Variants in CTNNA3 observed in about 807,000 individuals in gnomAD.
CTNNA3 encodes catenin alpha-3.
CTNNA3 carries 76 observed loss-of-function variants against 95.7 expected under a neutral mutation model. That is an observed-to-expected ratio of 0.79 (90% CI 0.66 to 0.96). The LOEUF (loss-of-function observed/expected upper bound fraction) is 0.96. CTNNA3 is among the 40% of genes least tolerant of loss of function. CTNNA3 has a pLI of 0.00. For missense variants in CTNNA3, 1,191 were observed against 1,089.8 expected (o/e 1.09, Z -1.31); for synonymous variants, 431 against 374.4 (o/e 1.15, Z -1.74).
chr10:66,607,472 C>CAAAAAAA (rs574854850), intron 10 of CTNNA3, among the ~76,000 whole-genome samples: 5 of 45,284 alleles, frequency 1.1e-4, no homozygotes, highest in Admixed American at 3.3e-4. Context: ...CAGAGACAAC[C>CAAAAAAA]AAAAAAAAAA....
intron 7 of CTNNA3, among the ~76,000 whole-genome samples, chr10:66,856,628 G>A (rs969954934): frequency 1.3e-5 from 2 of 152,026 alleles, no homozygotes; most frequent in Non-Finnish European, 2.9e-5. Context: ...GTAAGACATT[G>A]TGGTTTTGAT....
intron 7 of CTNNA3, among the ~76,000 whole-genome samples, chr10:67,174,169 T>C (rs1256587640): frequency 1.3e-5 from 2 of 152,188 alleles, no homozygotes; most frequent in African/African-American, 4.8e-5. Flanking sequence ...AGTTTCCCTT[T>C]TATTAAAAAA....
chr10:66,409,885 T>C (rs2093089310), intron 11 of CTNNA3, among the ~76,000 whole-genome samples: 1 of 152,124 alleles, frequency 6.6e-6, no homozygotes, highest in Non-Finnish European at 1.5e-5. Flanking sequence ...TCTTTTAGAG[T>C]GTTCTGATAC....
intron 7 of CTNNA3, among the ~76,000 whole-genome samples, chr10:67,113,234 G>T (rs937577982): frequency 2.6e-5 from 4 of 152,062 alleles, no homozygotes; most frequent in African/African-American, 4.8e-5. Flanking sequence ...TTCTTTAAAA[G>T]AATTTTTTTT....
At chr10:67,022,145 A>C (rs1419508885) in intron 7 of CTNNA3, among the ~76,000 whole-genome samples, 1 of 152,142 alleles carries the variant, frequency 6.6e-6, no homozygotes, top group Non-Finnish European at 1.5e-5. Context: ...AATATATATC[A>C]AATTTAAGGA....
intron 7 of CTNNA3, among the ~76,000 whole-genome samples, chr10:66,998,202 C>T (rs1851465557): frequency 6.6e-6 from 1 of 152,228 alleles, no homozygotes; most frequent in African/African-American, 2.4e-5. Flanking sequence ...TATGTCTCAT[C>T]TACCTTCCCA....
intron 1 of CTNNA3, among the ~76,000 whole-genome samples, chr10:67,725,039 T>A (rs995170833): frequency 3.9e-5 from 6 of 152,052 alleles, no homozygotes; most frequent in Non-Finnish European, 8.8e-5. Flanking sequence ...TATCTATTTA[T>A]TCTCCCACTA....
chr10:67,216,268 C>A (rs1412838912), intron 6 of CTNNA3, among the ~76,000 whole-genome samples: 1 of 152,064 alleles, frequency 6.6e-6, no homozygotes, highest in Non-Finnish European at 1.5e-5. Flanking sequence ...TGGACAGCTG[C>A]TGAGAGAAGA....
chr10:67,445,073 G>A (rs894595225), intron 5 of CTNNA3, among the ~76,000 whole-genome samples: 16 of 151,660 alleles, frequency 1.1e-4, no homozygotes, highest in African/African-American at 3.9e-4. Context: ...AAAGGAGGGA[G>A]TACTTCCAAA....
At chr10:67,631,379 T>G (rs555166918) in intron 2 of CTNNA3, among the ~76,000 whole-genome samples, 1 of 152,196 alleles carries the variant, frequency 6.6e-6, no homozygotes, top group East Asian at 1.9e-4. Flanking sequence ...AGAATAAAGA[T>G]TTATGAAGAA....
intron 7 of CTNNA3, among the ~76,000 whole-genome samples, chr10:67,000,886 AC>A (rs751346412): frequency 3.3e-5 from 5 of 152,164 alleles, no homozygotes; most frequent in Non-Finnish European, 7.4e-5. Flanking sequence ...TTACTCATGA[AC>A]AACAGGCTGG....
chr10:66,066,485 C>T lies in CTNNA3; in HGVS notation c.2159+2823G>A, dbSNP rs560004150. 1.0e-3 allele frequency among the ~76,000 whole-genome samples: 157 copies of T among 152,060 alleles called. 2 individuals are homozygous for T. The highest frequency in any genetic ancestry group is 3.0e-3 in the African/African-American group (125 of 41,486). ...AGAGACATATACAAACAGATTTCTC[C>T]GAATCTTTGCCTGCAGAAATTGAAC... On this transcript the variant is annotated intron_variant, in intron 15 of 17. Transcript: ENST00000433211.
At chr10:67,759,582 G>A (rs1329670224) in intron 1 of CTNNA3, among the ~76,000 whole-genome samples, 1 of 152,166 alleles carries the variant, frequency 6.6e-6, no homozygotes, top group African/African-American at 2.4e-5. Flanking sequence ...ATGTCCCCAA[G>A]ATTCCCACCC....
intron 13 of CTNNA3, among the ~76,000 whole-genome samples, chr10:66,246,605 A>ATGAT (rs2090335392): frequency 6.6e-6 from 1 of 152,096 alleles, no homozygotes; most frequent in South Asian, 2.1e-4. Flanking sequence ...GAATTTCAAG[A>ATGAT]TGATAGAGAA....
chr10:67,053,759 C>G (rs977975346), intron 7 of CTNNA3, among the ~76,000 whole-genome samples: 5 of 152,124 alleles, frequency 3.3e-5, no homozygotes, highest in African/African-American at 4.8e-5. Flanking sequence ...GAAACGAATT[C>G]TGCTAAAGGA....
chr10:67,046,623 G>GA (rs146158145), intron 7 of CTNNA3, among the ~76,000 whole-genome samples: 4,962 of 150,940 alleles, frequency 0.033, 249 homozygotes, highest in African/African-American at 0.11. Flanking sequence ...AAGACTTCAG[G>GA]AAAAAAAAAT....
chr10:67,510,587 G>A (rs1271926305), intron 5 of CTNNA3, among the ~76,000 whole-genome samples: 1 of 151,906 alleles, frequency 6.6e-6, no homozygotes, highest in Non-Finnish European at 1.5e-5. Context: ...TGCTCTTTTG[G>A]TTACTGCAGC....
At chr10:67,130,203 C>T (rs1859924631) in intron 7 of CTNNA3, among the ~76,000 whole-genome samples, 1 of 152,040 alleles carries the variant, frequency 6.6e-6, no homozygotes, top group Non-Finnish European at 1.5e-5. Flanking sequence ...ACTAAGAGTG[C>T]CATCTTTCTA....
intron 15 of CTNNA3, among the ~76,000 whole-genome samples, chr10:66,064,859 T>G (rs1260923919): frequency 2.0e-5 from 3 of 152,194 alleles, no homozygotes; most frequent in Non-Finnish European, 4.4e-5. Context: ...TATTCCTGGT[T>G]CCTTCTGAAT....
Sources: allele counts gnomAD v4.1 joint callset (sites outside exome capture counted in the v4.1 genomes callset), GRCh38; gene constraint gnomAD v4.1.1; transcripts MANE v1.5; gene names NCBI Gene and HGNC (gene_info 2026-07-23, HGNC 2026-07-21).